Variants in KCNT1 observed in about 807,000 individuals in gnomAD.
The protein encoded by KCNT1 is potassium channel subfamily T member 1.
A neutral mutation model predicts 147.8 loss-of-function variants in KCNT1; 78 were observed. The ratio of observed to expected loss-of-function variants is 0.53; its 90% CI spans 0.44 to 0.64. KCNT1 has a LOEUF of 0.64. Ranked by LOEUF, KCNT1 falls within the 30% of genes least tolerant of loss-of-function variation. KCNT1 has a pLI of 0.00. For synonymous variants in KCNT1, 867 were observed against 748.8 expected (o/e 1.16, Z -2.58); for missense variants, 1,419 against 1,750.3 (o/e 0.81, Z 3.38).
chr9:135,753,682 T>A, intron 4 of KCNT1: 2 of 572,560 alleles, frequency 3.5e-6, no homozygotes, highest in Non-Finnish European at 3.1e-6. Flanking sequence ...GTACCCTCGC[T>A]GTCTGCCTGC....
intron 19 of KCNT1, 127 bp from the exon 20 acceptor site, chr9:135,775,183 C>A: frequency 1.6e-6 from 1 of 616,384 alleles, no homozygotes; most frequent in Non-Finnish European, 2.8e-6. Context: ...GTCAGCTGTG[C>A]GTGACCCCGA....
rs1305510057 is a variant in KCNT1 at position 135,768,637 on chromosome 9, C to T, written c.1365C>T (p.Ile455=). 6 of 1,550,458 alleles carry T rather than the reference C, an allele frequency of 3.9e-6. No homozygotes were observed. The East Asian group carries it at 9.8e-5, about 25-fold the overall frequency. ...TGGACAATGGGGAGGCCTGCTTCATCCTCAGCAGCAGGAACGAGGTGGACC... is the reference window on the plus strand; with the variant it reads ...TGGACAATGGGGAGGCCTGCTTCATTCTCAGCAGCAGGAACGAGGTGGACC... ...AKMDNGEACF[I]LSSRNEVDRT... is the part of the protein sequence containing the mutation. Residue 455 remains isoleucine, a synonymous_variant, in exon 14 of 31, where the codon ATC becomes ATT. Transcript: ENST00000371757.
chr9:135,707,788 TC>T (rs1461428126), intron 1 of KCNT1, among the ~76,000 whole-genome samples: 11 of 152,124 alleles, frequency 7.2e-5, no homozygotes, highest in African/African-American at 2.7e-4. Flanking sequence ...CTGCTGGCCT[TC>T]CCCTCTTCCC....
rs774033346 is a variant in KCNT1, at chr9:135,778,723, C to T, written c.2630C>T (p.Ala877Val). 9.9e-6 allele frequency: 16 copies of T among 1,613,786 alleles called. No individual in the cohort carries two copies. In the Admixed American group the frequency reaches 1.5e-4, roughly 15 times the overall value. The change falls in exon 23 of 31, where the codon GCG becomes GTG. Residue 877 changes from alanine (A) to valine (V), a missense_variant. Physicochemically the swap from Ala to Val is moderately conservative, Grantham distance 64. Around this residue, in one of 5 missense-constraint regions of KCNT1, gnomAD observed 247 missense variants for 397.1 expected, o/e 0.62. Coordinates refer to ENST00000371757, the MANE Select transcript of KCNT1 (RefSeq NM_020822.3). ...CTGCTGCAGTGTGGCATCATCTATG[C>T]GGACAACCTGGTGGTGGTGGACAAG... ...DSLLQCGIIY[A>V]DNLVVVDKES...
At chr9:135,762,525 A>G (rs111467290) in intron 11 of KCNT1, among the ~76,000 whole-genome samples, 5,537 of 152,214 alleles carry the variant, frequency 0.036, 165 homozygotes, top group Middle Eastern at 0.11. Context: ...AGGTGGGTAG[A>G]TCACTTGAGA....
At chr9:135,740,204 G>A (rs1392918965) in intron 2 of KCNT1, among the ~76,000 whole-genome samples, 1 of 152,152 alleles carries the variant, frequency 6.6e-6, no homozygotes, top group Non-Finnish European at 1.5e-5. Flanking sequence ...CTGAGATACT[G>A]GGGGTCAGGA....
At chr9:135,774,730 TTG>T (rs1833035682) in intron 19 of KCNT1, among the ~76,000 whole-genome samples, 3 of 152,118 alleles carry the variant, frequency 2.0e-5, no homozygotes, top group Admixed American at 2.0e-4. Flanking sequence ...TGCGCATGTG[TTG>T]TGTGTGTGTC....
In KCNT1 at chr9:135,730,990, T is replaced by TGAAAAAAAAAA. The variant is rs1554766004; in HGVS notation, c.254+16270_254+16271insGAAAAAAAAAA. On this transcript the variant is annotated intron_variant, in intron 2 of 30. Transcript: ENST00000371757. The surrounding 1 kb of genome is among the most constrained non-coding windows in gnomAD (Gnocchi z 4.7). The stretch of plus-strand genomic sequence containing the variant: ...AACAAAGTGAGATCCCGTCTCAAGG[T>TGAAAAAAAAAA]AAAAAAAAAAAAAAAAAAAAAAAGT... Among the ~76,000 whole-genome samples, 52 of 85,580 alleles carry TGAAAAAAAAAA rather than the reference T, an allele frequency of 6.1e-4. 2 individuals are homozygous for TGAAAAAAAAAA. Among genetic ancestry groups the TGAAAAAAAAAA allele is most frequent in the South Asian group, 1.3e-3 (3 of 2,286 alleles). 56.1% of individuals were successfully genotyped at this position (85,580 alleles called of 152,430 possible). A position where few individuals can be genotyped will look rare whatever the true frequency, so the allele number is the denominator to read the frequency against.
intron 24 of KCNT1, among the ~76,000 whole-genome samples, chr9:135,780,623 C>T (rs150951349): frequency 0.018 from 2,746 of 152,282 alleles, 67 homozygotes; most frequent in African/African-American, 0.061. Flanking sequence ...GGGGGATGCT[C>T]GGGCACCTGG....
At chr9:135,756,850 T>C in intron 6 of KCNT1, 23 bp from the exon 7 acceptor site, 1 of 1,610,360 alleles carries the variant, frequency 6.2e-7, no homozygotes, top group Middle Eastern at 1.7e-4. Flanking sequence ...GCTCCAGAGC[T>C]CCTTCCCTTT....
intron 2 of KCNT1, among the ~76,000 whole-genome samples, chr9:135,725,367 G>A (rs1350069622): frequency 6.6e-6 from 1 of 152,198 alleles, no homozygotes; most frequent in Non-Finnish European, 1.5e-5. Context: ...CTGGACCGAG[G>A]GGCTCAGATC....
At chr9:135,759,055 C>T (rs563592474) in intron 10 of KCNT1, among the ~76,000 whole-genome samples, 1 of 152,334 alleles carries the variant, frequency 6.6e-6, no homozygotes, top group South Asian at 2.1e-4. Context: ...GGGAGAGTGC[C>T]CTGCGTTTCC....
At chr9:135,716,490 C>T (rs757929584) in intron 2 of KCNT1, among the ~76,000 whole-genome samples, 12 of 152,140 alleles carry the variant, frequency 7.9e-5, no homozygotes, top group Non-Finnish European at 5.9e-5. Flanking sequence ...CAGAATTTAC[C>T]GTTAGTGACA....
At chr9:135,713,583 G>A (rs1418192185) in intron 1 of KCNT1, among the ~76,000 whole-genome samples, 8 of 152,298 alleles carry the variant, frequency 5.3e-5, no homozygotes, top group Admixed American at 2.6e-4. Flanking sequence ...CAGGGCCTAC[G>A]GGCACAGCAC....
At chr9:135,773,057 C>T in intron 19 of KCNT1, 108 bp downstream of exon 19, 1 of 729,482 alleles carries the variant, frequency 1.4e-6, no homozygotes, top group Non-Finnish European at 2.1e-6. Context: ...TGAATTGCAG[C>T]TTCTGGACAG....
Position 135,785,012 on chromosome 9 carries a change from A to G in KCNT1, c.3156+123A>G, listed in dbSNP as rs1003321843. ...GTCCTGTGTGACCCACAGCATCCCC[A>G]CCTTCAGTGTCAGGGACCTGGGCTA... On this transcript the variant is annotated intron_variant, in intron 27 of 30. Transcript: ENST00000371757. The G allele has an allele frequency of 1.3e-5, 18 of 1,420,442 alleles. No individual in the cohort carries two copies. The African/African-American group carries it at 1.9e-4, about 15-fold the overall frequency. The allele number at this position is 1,420,442 out of a possible 1,614,324, so 88.0% of individuals were successfully genotyped here.
intron 19 of KCNT1, among the ~76,000 whole-genome samples, chr9:135,774,519 CTGTG>C (rs1183287260): frequency 1.5e-5 from 2 of 137,628 alleles, no homozygotes; most frequent in African/African-American, 2.8e-5. Flanking sequence ...TGTTGTGTGT[CTGTG>C]TGTGCTGTGT....
intron 11 of KCNT1, among the ~76,000 whole-genome samples, chr9:135,764,518 C>T (rs1424011538): frequency 1.3e-5 from 2 of 152,150 alleles, no homozygotes; most frequent in African/African-American, 4.8e-5. Context: ...TGCTGGGAGG[C>T]CCCGGTGGCC....
intron 1 of KCNT1, among the ~76,000 whole-genome samples, chr9:135,702,641 G>A (rs1835078273): frequency 6.6e-6 from 1 of 152,114 alleles, no homozygotes; most frequent in African/African-American, 2.4e-5. Flanking sequence ...GGCTACATGG[G>A]GGTCCTGAGC....
Sources: gnomAD v4.1 joint callset for allele counts (sites outside exome capture counted in the v4.1 genomes callset) on GRCh38, gnomAD v4.1.1 for gene constraint, gnomAD v4.1.1 regional missense constraint, Gnocchi (gnomAD v3.1) non-coding constraint, MANE v1.5 for transcripts, NCBI Gene and HGNC (gene_info 2026-07-23, HGNC 2026-07-21) for gene names.